Variants in MYO10 observed in about 807,000 individuals in gnomAD.
MYO10 encodes the protein unconventional myosin-X.
In MYO10, 133 loss-of-function variants were observed where a neutral mutation model predicts 257.3. The observed-to-expected ratio is 0.52, with a 90% CI of 0.45 to 0.60. The LOEUF is 0.60. MYO10 is among the 20% of genes least tolerant of loss of function. The probability of loss-of-function intolerance (pLI) is 0.00; values close to 1 mark genes in which losing one functional copy is unlikely to be tolerated. For missense variants in MYO10, 2,399 were observed against 2,635.7 expected (o/e 0.91, Z 1.97); for synonymous variants, 1,104 against 1,028.6 (o/e 1.07, Z -1.40).
chr5:16,695,448 A>G (rs1185955478), intron 26 of MYO10, among the ~76,000 whole-genome samples: 1 of 152,136 alleles, frequency 6.6e-6, no homozygotes, highest in Non-Finnish European at 1.5e-5. Flanking sequence ...TAAAGACAAT[A>G]TGGCTTTTTG....
At chr5:16,865,618 G>A (rs972846687) in intron 2 of MYO10, among the ~76,000 whole-genome samples, 11 of 151,960 alleles carry the variant, frequency 7.2e-5, no homozygotes, top group Non-Finnish European at 1.3e-4. Context: ...CAAGACCAGC[G>A]TGACCAATAT....
chr5:16,715,231 A>T (rs1215496367), intron 19 of MYO10, among the ~76,000 whole-genome samples: 1 of 151,616 alleles, frequency 6.6e-6, no homozygotes, highest in African/African-American at 2.4e-5. Context: ...GAGAAAAACA[A>T]GCTAGAAAGA....
At chr5:16,809,075 C>T (rs761304402) in intron 3 of MYO10, among the ~76,000 whole-genome samples, 2 of 152,068 alleles carry the variant, frequency 1.3e-5, no homozygotes, top group African/African-American at 2.4e-5. Context: ...AGCGGCCACT[C>T]CGGAGCATAA....
chr5:16,922,154 C>T (rs1746005114), intron 1 of MYO10, among the ~76,000 whole-genome samples: 1 of 151,128 alleles, frequency 6.6e-6, no homozygotes, highest in South Asian at 2.1e-4. Flanking sequence ...GCAGAGGCTG[C>T]AGTGAGCCAA....
chr5:16,899,764 G>A (rs141453128), intron 1 of MYO10, among the ~76,000 whole-genome samples: 2,082 of 152,176 alleles, frequency 0.014, 42 homozygotes, highest in African/African-American at 0.047. Flanking sequence ...CTGGGAGGTC[G>A]AGGCAGGTGG....
chr5:16,873,861 A>G (rs1744515760), intron 2 of MYO10, among the ~76,000 whole-genome samples: 1 of 151,950 alleles, frequency 6.6e-6, no homozygotes, highest in African/African-American at 2.4e-5. Context: ...CAGCACAGGG[A>G]CCTGGGCCCG....
intron 9 of MYO10, among the ~76,000 whole-genome samples, chr5:16,769,459 C>T (rs1380523599): frequency 6.6e-6 from 1 of 152,066 alleles, no homozygotes; most frequent in Non-Finnish European, 1.5e-5. Flanking sequence ...CTCAGCCTCC[C>T]GAGTAGCTGG....
intron 19 of MYO10, among the ~76,000 whole-genome samples, chr5:16,739,125 G>A (rs1030065609): frequency 1.2e-4 from 18 of 146,814 alleles, no homozygotes; most frequent in African/African-American, 3.8e-4. Context: ...GTTTGAGACT[G>A]TAGTGTGCTA....
intron 2 of MYO10, among the ~76,000 whole-genome samples, chr5:16,876,614 G>A (rs752648331): frequency 3.9e-5 from 6 of 152,138 alleles, no homozygotes; most frequent in Non-Finnish European, 5.9e-5. Flanking sequence ...GAGTGCAGTG[G>A]TGCAATCTCG....
At chr5:16,875,581 T>C (rs2625210) in intron 2 of MYO10, among the ~76,000 whole-genome samples, 111,781 of 152,034 alleles carry the variant, frequency 0.74, 41,386 homozygotes, top group African/African-American at 0.81. Context: ...CTGAAATCTA[T>C]ATCCACAAAG....
At chr5:16,829,443 G>A (rs1743099897) in intron 2 of MYO10, among the ~76,000 whole-genome samples, 1 of 152,132 alleles carries the variant, frequency 6.6e-6, no homozygotes, top group South Asian at 2.1e-4. Context: ...GCAATCTTCT[G>A]AATCCTCTTG....
At chr5:16,682,260 T>C (rs1001909535) in intron 30 of MYO10, among the ~76,000 whole-genome samples, 9 of 152,210 alleles carry the variant, frequency 5.9e-5, no homozygotes, top group African/African-American at 2.2e-4. Flanking sequence ...CATTTCTTCA[T>C]GCAAAACTTT....
intron 1 of MYO10, among the ~76,000 whole-genome samples, chr5:16,908,597 T>C (rs951904977): frequency 6.6e-6 from 1 of 152,158 alleles, no homozygotes; most frequent in Non-Finnish European, 1.5e-5. Context: ...CTTTGGGAAA[T>C]ATGCCATGAC....
At chr5:16,844,767 C>T (rs1743578530) in intron 2 of MYO10, among the ~76,000 whole-genome samples, 1 of 145,830 alleles carries the variant, frequency 6.9e-6, no homozygotes, top group Admixed American at 7.3e-5. Context: ...CTAGATTATG[C>T]TCAATCAATA....
chr5:16,757,944 C>A (rs140441391), intron 18 of MYO10, among the ~76,000 whole-genome samples, 174 bp downstream of exon 18: 1 of 152,196 alleles, frequency 6.6e-6, no homozygotes, highest in Non-Finnish European at 1.5e-5. Context: ...AGAATACAGG[C>A]GTGAGCCAAA....
At chr5:16,750,771 A>C (rs1483934269) in intron 19 of MYO10, among the ~76,000 whole-genome samples, 1 of 151,932 alleles carries the variant, frequency 6.6e-6, no homozygotes, top group Non-Finnish European at 1.5e-5. Context: ...CGAGGCAAGG[A>C]GATCACCTGA....
At chr5:16,741,080 T>C (rs1740001683) in intron 19 of MYO10, among the ~76,000 whole-genome samples, 1 of 152,238 alleles carries the variant, frequency 6.6e-6, no homozygotes, top group Non-Finnish European at 1.5e-5. Context: ...ATTTAGCAAC[T>C]GAATAGACAT....
chr5:16,665,658 C>T lies in MYO10; in HGVS notation c.*1034G>A, dbSNP rs957720503. 3 of 152,410 alleles carry T rather than the reference C, an allele frequency of 2.0e-5. No homozygotes were observed. The highest frequency in any genetic ancestry group is 2.9e-5 in the Non-Finnish European group (2 of 68,044). 9.4% of individuals were successfully genotyped at this position (152,410 alleles called of 1,614,324 possible). On this transcript the variant is annotated 3_prime_UTR_variant, in exon 41 of 41. Coordinates refer to ENST00000513610, the MANE Select transcript of MYO10 (RefSeq NM_012334.3). ...CCCATAGTCAACATGGTTATTATAT[C>T]TGTAATCTATCCAGAATGATAGAAG...
Position 16,704,641 on chromosome 5 carries a change from C to T in MYO10, c.2214G>A (p.Arg738=). The change falls in exon 22 of 41, where the codon AGG becomes AGA. Residue 738 remains arginine (R), a synonymous_variant. Transcript: ENST00000513610. ...TGGCCGCGTGGCTCACTTCCTCTTC[C>T]CTCCGCTTCTCCAGTTTCTGTTCCA... is the stretch of plus-strand genomic sequence containing the variant. ...ESLEQKLEKR[R]EEEVSHAAMV... The T allele has an allele frequency of 6.2e-7, 1 of 1,613,946 alleles. No individual in the cohort carries two copies. Among genetic ancestry groups the T allele is most frequent in the Non-Finnish European group, 8.5e-7 (1 of 1,179,880 alleles).
Sources: allele counts gnomAD v4.1 joint callset (sites outside exome capture counted in the v4.1 genomes callset), GRCh38; gene constraint gnomAD v4.1.1; transcripts MANE v1.5; gene names NCBI Gene and HGNC (gene_info 2026-07-23, HGNC 2026-07-21).